AGFG1: variants seen among roughly 807,000 people sequenced by gnomAD.
AGFG1 encodes ArfGAP with FG repeats 1, also known as arf-GAP domain and FG repeat-containing protein 1.
A neutral mutation model predicts 60.6 loss-of-function variants in AGFG1; 10 were observed. The observed-to-expected ratio is 0.16, with a 90% confidence interval of 0.10 to 0.28. The LOEUF (loss-of-function observed/expected upper bound fraction) is 0.28. Ranked by LOEUF, AGFG1 falls within the 10% of genes least tolerant of loss-of-function variation. The pLI is 1.00. For synonymous variants in AGFG1, 247 were observed against 242.9 expected (o/e 1.02, Z -0.16); for missense variants, 537 against 676.5 (o/e 0.79, Z 2.29).
In AGFG1 at chr2:227,559,499, A is replaced by T. The variant is rs61318091; in HGVS notation, c.*5004A>T. The T allele has an allele frequency of 2.0e-5, 3 of 152,122 alleles. No individual in the cohort carries two copies. Among genetic ancestry groups the T allele is most frequent in the Non-Finnish European group, 4.4e-5 (3 of 67,996 alleles). 9.4% of individuals were successfully genotyped at this position (152,122 alleles called of 1,614,324 possible). A position where few individuals can be genotyped will look rare whatever the true frequency, so the allele number is the denominator to read the frequency against. ...AAAAATTCAACGTATATTTAAGTGTATTTTTGACATCTGTGCTTGTCCAAC... is the reference window on the plus strand; with the variant it reads ...AAAAATTCAACGTATATTTAAGTGTTTTTTTGACATCTGTGCTTGTCCAAC... On this transcript the variant is annotated 3_prime_UTR_variant, in exon 13 of 13. Coordinates refer to ENST00000310078, the MANE Select transcript of AGFG1 (RefSeq NM_004504.5).
chr2:227,514,038 G>A (rs1691576992), intron 2 of AGFG1, among the ~76,000 whole-genome samples: 1 of 152,270 alleles, frequency 6.6e-6, no homozygotes, highest in South Asian at 2.1e-4. Flanking sequence ...AGGAGGGAGA[G>A]TGCTCTGTCA....
At position 227,558,513 on chromosome 2, in the gene AGFG1, TAC is replaced by T. The variant is rs1187413240; in HGVS notation, c.*4020_*4021del. On this transcript the variant is annotated 3_prime_UTR_variant, in exon 13 of 13. Coordinates refer to ENST00000310078, the MANE Select transcript of AGFG1 (RefSeq NM_004504.5). Reference sequence around the variant, plus strand: ...TTGTAAAGCATTCCACCTTTATTGATACAGTTTGTGGCCTATACACTTTTAAA... The same window carrying T: ...TTGTAAAGCATTCCACCTTTATTGATAGTTTGTGGCCTATACACTTTTAAA... 5 of 152,194 alleles carry T rather than the reference TAC, an allele frequency of 3.3e-5. No homozygotes were observed. Among genetic ancestry groups the T allele is most frequent in the Admixed American group, 6.5e-5 (1 of 15,278 alleles). 9.4% of individuals were successfully genotyped at this position (152,194 alleles called of 1,614,324 possible).
chr2:227,528,722 T>C (rs1388449673), intron 5 of AGFG1, among the ~76,000 whole-genome samples: 1 of 152,256 alleles, frequency 6.6e-6, no homozygotes, highest in Non-Finnish European at 1.5e-5. Context: ...TGTTGGACTT[T>C]TCTTTGTAGC....
intron 12 of AGFG1, among the ~76,000 whole-genome samples, chr2:227,554,028 A>T (rs556834821): frequency 1.3e-5 from 2 of 152,244 alleles, no homozygotes; most frequent in Admixed American, 6.5e-5. Context: ...TTGCAAATCA[A>T]AGCATTGACA....
chr2:227,536,858 A>G, intron 9 of AGFG1, 43 bp from the exon 10 acceptor site: 3 of 1,554,650 alleles, frequency 1.9e-6, no homozygotes, highest in South Asian at 1.2e-5. Flanking sequence ...CTTAAATACA[A>G]AATGTATTAG....
rs895129162 is a variant in AGFG1 at position 227,533,599 on chromosome 2, C to G, written c.865C>G (p.Pro289Ala). Residue 289 changes from proline (P) to alanine (A), a missense_variant, in exon 7 of 13, where the codon CCC (proline) becomes GCC (alanine). Physicochemically the swap from Pro to Ala is conservative, Grantham distance 27. Coordinates refer to ENST00000310078, the MANE Select transcript of AGFG1 (RefSeq NM_004504.5). ...TAATTTTGCTCATTTTGATAACTTCCCCAAATCCTCCAGTGCTGATTTTGG... is the reference window on the plus strand; with the variant it reads ...TAATTTTGCTCATTTTGATAACTTCGCCAAATCCTCCAGTGCTGATTTTGG... The part of the protein sequence containing the change: ...NANFAHFDNF[P>A]KSSSADFGTF... 1.2e-6 allele frequency: 2 copies of G among 1,613,780 alleles called. No homozygotes were observed. The highest frequency in any genetic ancestry group is 4.5e-5 in the East Asian group (2 of 44,860).
At chr2:227,545,145 CTTTG>C (rs1692607711) in intron 10 of AGFG1, among the ~76,000 whole-genome samples, 1 of 152,274 alleles carries the variant, frequency 6.6e-6, no homozygotes, top group Admixed American at 6.5e-5. Context: ...TTCTTGGAGG[CTTTG>C]TTTGTTTCTT....
At chr2:227,550,064 T>C in intron 10 of AGFG1, 1 of 454,800 alleles carries the variant, frequency 2.2e-6, no homozygotes. Flanking sequence ...ATAAGGCCTT[T>C]CTGGAGCAAT....
chr2:227,536,745 C>G (rs758487774), intron 9 of AGFG1, 41 bp downstream of exon 9: 1 of 1,596,648 alleles, frequency 6.3e-7, no homozygotes, highest in East Asian at 2.2e-5. Context: ...TACAAAGAAC[C>G]CAAATATATA....
At chr2:227,486,012 T>C (rs922610538) in intron 1 of AGFG1, among the ~76,000 whole-genome samples, 10 of 152,206 alleles carry the variant, frequency 6.6e-5, no homozygotes, top group African/African-American at 2.2e-4. Flanking sequence ...ATAGCTTAAA[T>C]TGAAAATGCA....
At chr2:227,477,148 G>A (rs536818495) in intron 1 of AGFG1, among the ~76,000 whole-genome samples, 9 of 152,084 alleles carry the variant, frequency 5.9e-5, no homozygotes, top group South Asian at 2.1e-4. Context: ...GTGATCCACC[G>A]CCTTGGCCTC....
chr2:227,552,536 C>T (rs1351477886), intron 11 of AGFG1, among the ~76,000 whole-genome samples: 1 of 151,932 alleles, frequency 6.6e-6, no homozygotes, highest in African/African-American at 2.4e-5. Context: ...GGTAACTATA[C>T]TGTAGTTAGA....
At chr2:227,543,814 A>G (rs1383936907) in intron 10 of AGFG1, among the ~76,000 whole-genome samples, 6 of 148,254 alleles carry the variant, frequency 4.0e-5, no homozygotes, top group Non-Finnish European at 8.9e-5. Flanking sequence ...GTCTCTAAGG[A>G]CTTGCTTTTT....
chr2:227,504,851 G>A (rs980284915), intron 2 of AGFG1, among the ~76,000 whole-genome samples: 4 of 152,132 alleles, frequency 2.6e-5, no homozygotes, highest in Non-Finnish European at 5.9e-5. Flanking sequence ...GGTCCAGCAC[G>A]TGTTCTGTCT....
Position 227,553,694 on chromosome 2 carries a change from T to C in AGFG1, c.1538-10T>C. On this transcript the variant is annotated splice_polypyrimidine_tract_variant and intron_variant, in intron 11 of 12. Transcript: ENST00000310078. ...GTATGGGTTATAATTGGTGGTTCTA[T>C]TTTAACAAGGTGCAGGTTTTGCAGC... The C allele has an allele frequency of 6.2e-7, 1 of 1,612,542 alleles. No homozygotes were observed. The highest frequency in any genetic ancestry group is 8.5e-7 in the Non-Finnish European group (1 of 1,178,758).
rs1297031875 is a variant in AGFG1, at chr2:227,552,187, T to A, written c.1537+70T>A. 3 of 1,562,952 alleles carry A rather than the reference T, an allele frequency of 1.9e-6. No homozygotes were observed. The Admixed American group carries it at 5.4e-5, about 28-fold the overall frequency. ...CTTTTTATATCATAATGTTGTGTGCTTGGGCAGGAAGACTTTTCTAAAGAA... is the reference window on the plus strand; with the variant it reads ...CTTTTTATATCATAATGTTGTGTGCATGGGCAGGAAGACTTTTCTAAAGAA... On this transcript the variant is annotated intron_variant, in intron 11 of 12. Coordinates refer to ENST00000310078, the MANE Select transcript of AGFG1 (RefSeq NM_004504.5).
At chr2:227,529,476 A>G (rs1156980994) in intron 5 of AGFG1, among the ~76,000 whole-genome samples, 1 of 152,022 alleles carries the variant, frequency 6.6e-6, no homozygotes, top group South Asian at 2.1e-4. Context: ...TTTCTTTTGT[A>G]GATAATTTAG....
chr2:227,542,238 C>T (rs1692512047), intron 10 of AGFG1, among the ~76,000 whole-genome samples: 1 of 152,120 alleles, frequency 6.6e-6, no homozygotes, highest in African/African-American at 2.4e-5. Flanking sequence ...TGTCATGTGC[C>T]AGTTTTCAAA....
chr2:227,549,989 G>A (rs1692772059), intron 10 of AGFG1: 1 of 434,290 alleles, frequency 2.3e-6, no homozygotes, highest in East Asian at 7.6e-5. Context: ...AATGAAACAA[G>A]TATACTTTTA....
Sources: allele counts gnomAD v4.1 joint callset (sites outside exome capture counted in the v4.1 genomes callset), GRCh38; gene constraint gnomAD v4.1.1; transcripts MANE v1.5; gene names NCBI Gene and HGNC (gene_info 2026-07-23, HGNC 2026-07-21).